The following NAALADL2 variants were observed in gnomAD, a reference collection of about 807,000 sequenced individuals.
NAALADL2 encodes inactive N-acetylated-alpha-linked acidic dipeptidase-like protein 2.
In NAALADL2, 76 loss-of-function variants were observed where a neutral mutation model predicts 87.2. The observed-to-expected ratio is 0.87, with a 90% confidence interval of 0.72 to 1.05. NAALADL2 has a LOEUF of 1.05. NAALADL2 is among the 50% of genes least tolerant of loss of function. The probability of loss-of-function intolerance (pLI) is 0.00; values close to 1 mark genes in which losing one functional copy is unlikely to be tolerated. For synonymous variants in NAALADL2, 354 were observed against 331.0 expected (o/e 1.07, Z -0.75); for missense variants, 1,089 against 945.8 (o/e 1.15, Z -1.99).
At chr3:175,106,045 C>G (rs1374171323) in intron 2 of NAALADL2, among the ~76,000 whole-genome samples, 1 of 152,018 alleles carries the variant, frequency 6.6e-6, no homozygotes, top group Non-Finnish European at 1.5e-5. Flanking sequence ...CTTTCTTACT[C>G]TTAATGGTCA....
At chr3:175,366,350 T>G (rs1765564382) in intron 5 of NAALADL2, among the ~76,000 whole-genome samples, 1 of 151,844 alleles carries the variant, frequency 6.6e-6, no homozygotes, top group Non-Finnish European at 1.5e-5. Context: ...ACAGCATGAT[T>G]TATAGTCCTT....
At chr3:175,569,674 G>T (rs1394543855) in intron 9 of NAALADL2, among the ~76,000 whole-genome samples, 3 of 151,930 alleles carry the variant, frequency 2.0e-5, no homozygotes, top group Non-Finnish European at 2.9e-5. Flanking sequence ...GGGAAAACTG[G>T]CATCTGCAAA....
At chr3:174,696,246 A>T (rs1728999877) in intron 2 of NAALADL2, among the ~76,000 whole-genome samples, 1 of 151,984 alleles carries the variant, frequency 6.6e-6, no homozygotes, top group Non-Finnish European at 1.5e-5. Context: ...GTAGACATCT[A>T]TGACTTATTA....
intron 1 of NAALADL2, among the ~76,000 whole-genome samples, chr3:175,013,297 ATATAT>A (rs1560476339): frequency 1.3e-5 from 1 of 77,566 alleles, no homozygotes; most frequent in African/African-American, 7.4e-5. Context: ...ATATATATAT[ATATAT>A]TTTTTTTTTT....
chr3:174,450,565 CAA>C (rs201560869), intron 1 of NAALADL2, among the ~76,000 whole-genome samples: 1,817 of 152,130 alleles, frequency 0.012, 29 homozygotes, highest in African/African-American at 0.042. Context: ...GTAATTTTCT[CAA>C]GTTTCAAGAC....
chr3:175,023,612 A>C (rs957346618), intron 1 of NAALADL2, among the ~76,000 whole-genome samples: 56 of 152,122 alleles, frequency 3.7e-4, no homozygotes, highest in African/African-American at 1.2e-3. Context: ...CTTACCATAC[A>C]GAGATACTGA....
chr3:175,212,350 G>A (rs527863429), intron 2 of NAALADL2, among the ~76,000 whole-genome samples: 1 of 151,732 alleles, frequency 6.6e-6, no homozygotes, highest in East Asian at 1.9e-4. Context: ...AAAAAAATGA[G>A]TTATATCCCA....
intron 2 of NAALADL2, among the ~76,000 whole-genome samples, chr3:174,667,481 G>T (rs988343405): frequency 6.6e-6 from 1 of 151,748 alleles, no homozygotes; most frequent in African/African-American, 2.4e-5. Flanking sequence ...CCACGCAGTT[G>T]AGTTGGCATT....
intron 2 of NAALADL2, among the ~76,000 whole-genome samples, chr3:175,182,489 G>T (rs535844374): frequency 2.0e-5 from 3 of 148,924 alleles, no homozygotes; most frequent in Admixed American, 6.7e-5. Flanking sequence ...CTGGGCTCAA[G>T]CAGCCCTTCC....
At chr3:175,646,796 C>T (rs1223857175) in intron 11 of NAALADL2, among the ~76,000 whole-genome samples, 2 of 152,144 alleles carry the variant, frequency 1.3e-5, no homozygotes, top group Non-Finnish European at 2.9e-5. Flanking sequence ...TCTGATCTAC[C>T]TTTCTTATAT....
intron 11 of NAALADL2, among the ~76,000 whole-genome samples, chr3:175,686,844 A>G (rs970551910): frequency 1.3e-5 from 2 of 152,174 alleles, no homozygotes; most frequent in Non-Finnish European, 2.9e-5. Flanking sequence ...AGGTCATGAA[A>G]AAACAGTGGT....
intron 1 of NAALADL2, among the ~76,000 whole-genome samples, chr3:174,512,688 A>G (rs909281124): frequency 6.6e-6 from 1 of 151,706 alleles, no homozygotes; most frequent in Non-Finnish European, 1.5e-5. Flanking sequence ...TGTCTCCTCA[A>G]CTCAGTGAGA....
chr3:174,788,786 A>G (rs1481430884), intron 3 of NAALADL2, among the ~76,000 whole-genome samples: 1 of 152,156 alleles, frequency 6.6e-6, no homozygotes, highest in African/African-American at 2.4e-5. Context: ...CAAACCAAAT[A>G]CAGAGATCTA....
At chr3:174,715,740 T>C (rs1731125464) in intron 2 of NAALADL2, among the ~76,000 whole-genome samples, 1 of 152,156 alleles carries the variant, frequency 6.6e-6, no homozygotes, top group African/African-American at 2.4e-5. Flanking sequence ...TTAGAAGGTA[T>C]TATAGTAAAT....
intron 1 of NAALADL2, among the ~76,000 whole-genome samples, chr3:174,888,292 T>C (rs757105225): frequency 2.0e-5 from 3 of 152,198 alleles, no homozygotes; most frequent in Non-Finnish European, 4.4e-5. Flanking sequence ...AAATTTGAAT[T>C]ACATTCTAAG....
At chr3:174,783,010 T>C (rs1716176739) in intron 3 of NAALADL2, among the ~76,000 whole-genome samples, 1 of 152,194 alleles carries the variant, frequency 6.6e-6, no homozygotes, top group Admixed American at 6.6e-5. Context: ...ACTTGGCGTC[T>C]CTTGGCTGTC....
intron 2 of NAALADL2, among the ~76,000 whole-genome samples, chr3:174,643,920 G>GT (rs1723516283): frequency 6.6e-6 from 1 of 152,128 alleles, no homozygotes; most frequent in South Asian, 2.1e-4. Flanking sequence ...AAAAGATCCT[G>GT]TATTTCTTTT....
chr3:175,520,680 T>A (rs1732529696), intron 9 of NAALADL2, among the ~76,000 whole-genome samples: 1 of 152,172 alleles, frequency 6.6e-6, no homozygotes, highest in African/African-American at 2.4e-5. Flanking sequence ...GGATGTGAAA[T>A]ATAATTGAAG....
chr3:175,434,065 A>G (rs1404206299), intron 5 of NAALADL2, among the ~76,000 whole-genome samples: 1 of 151,942 alleles, frequency 6.6e-6, no homozygotes, highest in Non-Finnish European at 1.5e-5. Flanking sequence ...AAGAGCAAAA[A>G]TTAATTTTAA....
Sources: gnomAD v4.1 joint callset for allele counts (sites outside exome capture counted in the v4.1 genomes callset) on GRCh38, gnomAD v4.1.1 for gene constraint, MANE v1.5 for transcripts, NCBI Gene and HGNC (gene_info 2026-07-23, HGNC 2026-07-21) for gene names.